Variants in OPCML observed in about 807,000 individuals in gnomAD.
OPCML encodes the protein opioid-binding protein/cell adhesion molecule.
Under a neutral mutation model 37.8 loss-of-function variants are expected in OPCML, and 13 were observed. The observed-to-expected ratio is 0.34, with a 90% CI of 0.22 to 0.55. OPCML has a LOEUF of 0.55. Ranked by LOEUF, OPCML falls within the 20% of genes least tolerant of loss-of-function variation. The pLI is 0.91. For missense variants in OPCML, 341 were observed against 435.6 expected, an observed-to-expected ratio of 0.78 and a Z score of 1.93; for synonymous variants, 176 against 168.8, an observed-to-expected ratio of 1.04 and a Z score of -0.33.
At chr11:132,682,248 G>A (rs868187892) in intron 2 of OPCML, among the ~76,000 whole-genome samples, 1 of 152,156 alleles carries the variant, frequency 6.6e-6, no homozygotes, top group Non-Finnish European at 1.5e-5. Flanking sequence ...CTGGGAAGGC[G>A]TCAGGGAAAA....
Position 132,605,907 on chromosome 11 carries a change from G to T in OPCML, c.379+51180C>A, listed in dbSNP as rs983642007. Among the ~76,000 whole-genome samples, 3 of 152,288 alleles carry T rather than the reference G, an allele frequency of 2.0e-5. No homozygotes were observed. The East Asian group carries it at 5.8e-4, about 29-fold the overall frequency. ...ATGAGAAGAGCAAAGTCCATGGTTT[G>T]CCAGTGACCAGCAGCTTCCTTTCAG... On this transcript the variant is annotated intron_variant, in intron 3 of 7. Coordinates refer to ENST00000524381, the MANE Select transcript of OPCML (RefSeq NM_001012393.5).
chr11:132,594,591 C>A (rs960022667), intron 3 of OPCML, among the ~76,000 whole-genome samples: 1 of 151,952 alleles, frequency 6.6e-6, no homozygotes, highest in Non-Finnish European at 1.5e-5. Flanking sequence ...ATTATGAATA[C>A]CATATTCATT....
At chr11:133,028,515 G>T (rs1738783373) in intron 1 of OPCML, among the ~76,000 whole-genome samples, 2 of 123,728 alleles carry the variant, frequency 1.6e-5, no homozygotes. Context: ...TCAGTTGTTT[G>T]ATAAGGAGCG....
rs999500600 is a variant in OPCML, at chr11:133,451,322, G to A, written c.61+80942C>T. 2.0e-5 allele frequency among the ~76,000 whole-genome samples: 3 copies of A among 151,794 alleles called. 1 individual carries two copies. The highest frequency in any genetic ancestry group is 7.3e-5 in the African/African-American group (3 of 41,054). On this transcript the variant is annotated intron_variant, in intron 1 of 7. Transcript: ENST00000524381. ...TGAGGAAAATTTACACTTAGAAGAA[G>A]GAAATGGGATGATGCTGGGTAAGTT...
intron 4 of OPCML, among the ~76,000 whole-genome samples, chr11:132,481,109 T>C (rs973853712): frequency 6.6e-6 from 1 of 152,192 alleles, no homozygotes; most frequent in Admixed American, 6.5e-5. Context: ...AATGCTCCAA[T>C]TAAAAGACAC....
At chr11:133,311,907 C>G (rs1392323066) in intron 1 of OPCML, among the ~76,000 whole-genome samples, 1 of 152,084 alleles carries the variant, frequency 6.6e-6, no homozygotes, top group East Asian at 1.9e-4. Flanking sequence ...AGAGCTGGGG[C>G]CACAGCCAGA....
At chr11:132,681,207 G>C (rs1352867668) in intron 2 of OPCML, among the ~76,000 whole-genome samples, 1 of 152,156 alleles carries the variant, frequency 6.6e-6, no homozygotes, top group African/African-American at 2.4e-5. Context: ...CCCTGGCAAG[G>C]GCCCCACCCT....
At chr11:133,513,488 A>C (rs891590659) in intron 1 of OPCML, among the ~76,000 whole-genome samples, 2 of 152,130 alleles carry the variant, frequency 1.3e-5, no homozygotes, top group Non-Finnish European at 2.9e-5. Context: ...TCCTTTAAAA[A>C]CCCAACTCAA....
Position 133,084,849 on chromosome 11 carries a change from A to G in OPCML, c.62-141839T>C, listed in dbSNP as rs184035084. Among the ~76,000 whole-genome samples the G allele has an allele frequency of 9.8e-5, 15 of 152,324 alleles. No individual in the cohort carries two copies. The East Asian group carries it at 2.7e-3, about 27-fold the overall frequency. On this transcript the variant is annotated intron_variant, in intron 1 of 7. Coordinates refer to ENST00000524381, the MANE Select transcript of OPCML (RefSeq NM_001012393.5). The stretch of plus-strand genomic sequence containing the variant: ...AACTCAAATTCAAGCATGAGTGAGC[A>G]TCTACCATACAATATAGATTTATTA...
At chr11:132,754,448 C>T (rs115784087) in intron 2 of OPCML, among the ~76,000 whole-genome samples, 1,785 of 152,286 alleles carry the variant, frequency 0.012, 37 homozygotes, top group African/African-American at 0.041. Flanking sequence ...GTGACTTGCT[C>T]TTACTTACCT....
intron 2 of OPCML, among the ~76,000 whole-genome samples, chr11:132,880,790 C>T (rs1270787699): frequency 2.0e-5 from 3 of 152,222 alleles, no homozygotes; most frequent in African/African-American, 7.2e-5. Flanking sequence ...ATACCAATTT[C>T]AAGTAATTGT....
intron 1 of OPCML, chr11:133,299,948 T>C (rs2000606): frequency 0.63 from 96,479 of 152,040 alleles, 31,849 homozygotes; most frequent in East Asian, 0.85. Flanking sequence ...ATCTCCATAC[T>C]GATTCATTCA....
At chr11:132,840,666 C>A (rs1430063259) in intron 2 of OPCML, among the ~76,000 whole-genome samples, 1 of 152,142 alleles carries the variant, frequency 6.6e-6, no homozygotes, top group Non-Finnish European at 1.5e-5. Flanking sequence ...CAATCCGAAG[C>A]GTTAATCTGT....
intron 3 of OPCML, among the ~76,000 whole-genome samples, chr11:132,608,970 G>T (rs866805827): frequency 8.2e-4 from 125 of 152,016 alleles, no homozygotes; most frequent in Admixed American, 1.6e-3. Context: ...CAAGCCCTTA[G>T]TTCCTTTCTG....
At chr11:132,706,504 T>C (rs553835369) in intron 2 of OPCML, among the ~76,000 whole-genome samples, 304 of 152,304 alleles carry the variant, frequency 2.0e-3, no homozygotes, top group Non-Finnish European at 3.1e-3. Flanking sequence ...TTCCTAGATG[T>C]TGAAATGATG....
intron 1 of OPCML, among the ~76,000 whole-genome samples, chr11:133,316,205 C>T (rs754886073): frequency 1.3e-5 from 2 of 152,024 alleles, no homozygotes; most frequent in Non-Finnish European, 2.9e-5. Flanking sequence ...CAGATAGGAA[C>T]AAGACTGAGG....
intron 2 of OPCML, among the ~76,000 whole-genome samples, chr11:132,938,540 A>AACAT (rs1380148278): frequency 6.6e-5 from 10 of 152,382 alleles, no homozygotes; most frequent in African/African-American, 2.4e-4. Flanking sequence ...ACTTGCACAC[A>AACAT]TATGTTGCTT....
At chr11:132,537,384 G>T (rs567411015) in intron 3 of OPCML, among the ~76,000 whole-genome samples, 1 of 152,286 alleles carries the variant, frequency 6.6e-6, no homozygotes, top group African/African-American at 2.4e-5. Flanking sequence ...CTATCCCCTT[G>T]CAAGACAGTG....
intron 1 of OPCML, among the ~76,000 whole-genome samples, chr11:133,383,573 A>G (rs1343993270): frequency 2.6e-5 from 4 of 152,172 alleles, no homozygotes; most frequent in Admixed American, 2.6e-4. Flanking sequence ...TATTATTGAA[A>G]TTCAGTAAAT....
Sources: allele counts gnomAD v4.1 joint callset (sites outside exome capture counted in the v4.1 genomes callset), GRCh38; gene constraint gnomAD v4.1.1; transcripts MANE v1.5; gene names NCBI Gene and HGNC (gene_info 2026-07-23, HGNC 2026-07-21).